DEK: variants seen among roughly 807,000 people sequenced by gnomAD.
The protein encoded by DEK is protein DEK.
DEK carries 28 observed loss-of-function variants against 46.8 expected under a neutral mutation model. The ratio of observed to expected loss-of-function variants is 0.60; its 90% confidence interval spans 0.44 to 0.82. DEK has a LOEUF of 0.82. DEK is among the 40% of genes least tolerant of loss of function. The pLI, the probability that DEK is intolerant of heterozygous loss-of-function variation, is 0.00. For synonymous variants in DEK, 160 were observed against 144.5 expected (o/e 1.11, Z -0.77); for missense variants, 416 against 430.6 (o/e 0.97, Z 0.30).
rs1554162686 is a variant in DEK at position 18,259,430 on chromosome 6, A to AAT, written c.146-1026_146-1025insAT. Among the ~76,000 whole-genome samples the AAT allele has an allele frequency of 6.9e-3, 667 of 96,814 alleles. 66 individuals carry two copies. Among genetic ancestry groups the AAT allele is most frequent in the Non-Finnish European group, 0.01 (441 of 42,146 alleles). The allele number at this position is 96,814 out of a possible 152,430, so 63.5% of individuals were successfully genotyped here. ...AAAAAAAAAAAAAAAAAAAAAAAAA[A>AAT]AAATCTAGAAAACAGGTAGCATATA... On this transcript the variant is annotated intron_variant, in intron 2 of 10. Coordinates refer to ENST00000652689, the MANE Select transcript of DEK (RefSeq NM_003472.4).
At chr6:18,236,644 T>C (rs1348428610) in intron 8 of DEK, 44 bp from the exon 9 acceptor site, 1 of 1,261,372 alleles carries the variant, frequency 7.9e-7, no homozygotes, top group Non-Finnish European at 1.0e-6. Flanking sequence ...CATAGTAAAT[T>C]AACATTTAAC....
chr6:18,226,165 A>C lies in DEK; in HGVS notation c.1116+9T>G. 7.7e-7 allele frequency: 1 copy of C among 1,305,980 alleles called. No homozygotes were observed. Among genetic ancestry groups the C allele is most frequent in the South Asian group, 1.6e-5 (1 of 63,868 alleles). The allele number at this position is 1,305,980 out of a possible 1,614,324, so 80.9% of individuals were successfully genotyped here. The stretch of plus-strand genomic sequence containing the variant: ...TCTAAAGTCAAACTTGAAAGACTGA[A>C]ATATTTACCTCTTTTACAGTTGTTT... On this transcript the variant is annotated intron_variant, in intron 10 of 10. Coordinates refer to ENST00000652689, the MANE Select transcript of DEK (RefSeq NM_003472.4).
rs202004287 is a variant in DEK at position 18,240,305 on chromosome 6, C to A, written c.763-2789G>T. Among the ~76,000 whole-genome samples the A allele has an allele frequency of 9.2e-5, 14 of 152,298 alleles. No individual in the cohort carries two copies. The East Asian group carries it at 2.7e-3, about 29-fold the overall frequency. Reference sequence around the variant, plus strand: ...TTCTACAGTTTTTCTAAACGGACAACCAGGCCTGTCATCTATTAAAATTTC... The same window carrying A: ...TTCTACAGTTTTTCTAAACGGACAAACAGGCCTGTCATCTATTAAAATTTC... On this transcript the variant is annotated intron_variant, in intron 7 of 10. Coordinates refer to ENST00000652689, the MANE Select transcript of DEK (RefSeq NM_003472.4).
intron 7 of DEK, among the ~76,000 whole-genome samples, chr6:18,238,780 C>T (rs1011900913): frequency 6.6e-6 from 1 of 151,878 alleles, no homozygotes; most frequent in African/African-American, 2.4e-5. Flanking sequence ...AATTAATGTT[C>T]CCAAAGGAAA....
intron 4 of DEK, among the ~76,000 whole-genome samples, chr6:18,257,338 T>C (rs1446162622): frequency 6.6e-6 from 1 of 152,230 alleles, no homozygotes; most frequent in East Asian, 1.9e-4. Flanking sequence ...TCAATACATT[T>C]AAAGGTCACT....
rs768625079 is a variant in DEK, at chr6:18,264,425, G to A, written c.-50C>T. ...CCGCGGGCCTGGCACGCGAGGGCACGAGGAGGTTCTGGGAGGCGGCGGCGG... is the reference window on the plus strand; with the variant it reads ...CCGCGGGCCTGGCACGCGAGGGCACAAGGAGGTTCTGGGAGGCGGCGGCGG... On this transcript the variant is annotated 5_prime_UTR_variant, in exon 1 of 11. Transcript: ENST00000652689. 7.3e-6 allele frequency: 2 copies of A among 273,502 alleles called. No individual in the cohort carries two copies. The highest frequency in any genetic ancestry group is 1.5e-5 in the Non-Finnish European group (2 of 133,148). 16.9% of individuals were successfully genotyped at this position (273,502 alleles called of 1,614,324 possible). A position where few individuals can be genotyped will look rare whatever the true frequency, so the allele number is the denominator to read the frequency against.
chr6:18,239,087 G>A (rs1181432756), intron 7 of DEK, among the ~76,000 whole-genome samples: 1 of 152,058 alleles, frequency 6.6e-6, no homozygotes, highest in African/African-American at 2.4e-5. Flanking sequence ...ACCACACCCG[G>A]CTACTTTTGT....
At chr6:18,226,379 G>A in intron 9 of DEK, 137 bp from the exon 10 acceptor site, 1 of 665,110 alleles carries the variant, frequency 1.5e-6, no homozygotes, top group Non-Finnish European at 2.2e-6. Flanking sequence ...TAACCCATAT[G>A]GAATTCTATT....
chr6:18,242,452 C>T (rs1218082247), intron 7 of DEK, among the ~76,000 whole-genome samples: 2 of 152,184 alleles, frequency 1.3e-5, no homozygotes, highest in Non-Finnish European at 2.9e-5. Flanking sequence ...CAACCATAGT[C>T]TGAAAATATT....
rs1410813778 is a variant in DEK at position 18,264,013 on chromosome 6, A to G, written c.-9-17T>C. ...GCTGTGAACCTGCATGCGGGAAGAA[A>G]GCCGGACGTCTCGGTCCTCCTACTC... On this transcript the variant is annotated splice_polypyrimidine_tract_variant and intron_variant, in intron 1 of 10. Transcript: ENST00000652689. 1 of 1,586,676 alleles carries G rather than the reference A, an allele frequency of 6.3e-7. No individual in the cohort carries two copies. Among genetic ancestry groups the G allele is most frequent in the East Asian group, 2.3e-5 (1 of 44,282 alleles).
intron 9 of DEK, among the ~76,000 whole-genome samples, chr6:18,232,949 T>C (rs1161408535): frequency 2.0e-5 from 3 of 152,132 alleles, no homozygotes. Flanking sequence ...CTTCAAACTA[T>C]ACTATAAGGC....
At position 18,264,505 on chromosome 6, in the gene DEK, G is replaced by C. The variant is rs747967127; in HGVS notation, c.-130C>G. 3 of 247,352 alleles carry C rather than the reference G, an allele frequency of 1.2e-5. No homozygotes were observed. Among genetic ancestry groups the C allele is most frequent in the Non-Finnish European group, 2.4e-5 (3 of 123,282 alleles). The allele number at this position is 247,352 out of a possible 1,614,324, so 15.3% of individuals were successfully genotyped here. ...CTGTCTGGCGTGACGCTCGCGCCGC[G>C]CGCTCGGCTCCCCAGAATCAACAAG... is the stretch of plus-strand genomic sequence containing the variant. On this transcript the variant is annotated 5_prime_UTR_variant, in exon 1 of 11. Transcript: ENST00000652689.
At chr6:18,240,639 C>T (rs543972197) in intron 7 of DEK, among the ~76,000 whole-genome samples, 2 of 152,026 alleles carry the variant, frequency 1.3e-5, no homozygotes, top group African/African-American at 4.8e-5. Flanking sequence ...ATATAATTTC[C>T]TCCAATAACT....
In DEK at chr6:18,242,060, G is replaced by C. The variant is rs905987586; in HGVS notation, c.763-4544C>G. ...ATTTTGATCTAAATCAGGAATTCTA[G>C]AGAGAACTCTGAAGATAGAAGTACA... is the stretch of plus-strand genomic sequence containing the variant. On this transcript the variant is annotated intron_variant, in intron 7 of 10. Coordinates refer to ENST00000652689, the MANE Select transcript of DEK (RefSeq NM_003472.4). 4.6e-5 allele frequency among the ~76,000 whole-genome samples: 7 copies of C among 152,292 alleles called. No individual in the cohort carries two copies. In the East Asian group the frequency reaches 1.4e-3, roughly 29 times the overall value.
chr6:18,264,507 G>A lies in DEK; in HGVS notation c.-132C>T. ...GTCTGGCGTGACGCTCGCGCCGCGC[G>A]CTCGGCTCCCCAGAATCAACAAGAT... On this transcript the variant is annotated 5_prime_UTR_variant, in exon 1 of 11. Transcript: ENST00000652689. 4.0e-6 allele frequency: 1 copy of A among 247,182 alleles called. No individual in the cohort carries two copies. The highest frequency in any genetic ancestry group is 8.1e-6 in the Non-Finnish European group (1 of 123,028). The allele number at this position is 247,182 out of a possible 1,614,324, so 15.3% of individuals were successfully genotyped here. A position where few individuals can be genotyped will look rare whatever the true frequency, so the allele number is the denominator to read the frequency against.
At chr6:18,234,321 C>T (rs1394414866) in intron 9 of DEK, among the ~76,000 whole-genome samples, 1 of 151,762 alleles carries the variant, frequency 6.6e-6, no homozygotes, top group Non-Finnish European at 1.5e-5. Flanking sequence ...ACGTTGTGCA[C>T]ATGTATCCTA....
At chr6:18,250,976 CTAT>C in intron 6 of DEK, among the ~76,000 whole-genome samples, 1 of 152,086 alleles carries the variant, frequency 6.6e-6, no homozygotes. Flanking sequence ...GAATATGCTG[CTAT>C]TATTCTGATA....
chr6:18,229,639 G>A (rs569397370), intron 9 of DEK, among the ~76,000 whole-genome samples: 33 of 152,144 alleles, frequency 2.2e-4, no homozygotes, highest in Non-Finnish European at 4.6e-4. Flanking sequence ...TGATTGAAGA[G>A]CAAATGAATG....
In DEK at chr6:18,249,987, C is replaced by A. The variant is rs80090873; in HGVS notation, c.574-148G>T. ...AGCTTTGCAGAGAATAATCTTTAAC[C>A]GTGTCAGGTTAACCTAAAACTGTGT... On this transcript the variant is annotated intron_variant, in intron 6 of 10. Transcript: ENST00000652689. 555 of 1,293,878 alleles carry A rather than the reference C, an allele frequency of 4.3e-4. 4 individuals carry two copies. The East Asian group carries it at 0.013, about 31-fold the overall frequency. The allele number at this position is 1,293,878 out of a possible 1,614,324, so 80.1% of individuals were successfully genotyped here. A position where few individuals can be genotyped will look rare whatever the true frequency, so the allele number is the denominator to read the frequency against.
Sources: gnomAD v4.1 joint callset for allele counts (sites outside exome capture counted in the v4.1 genomes callset) on GRCh38, gnomAD v4.1.1 for gene constraint, MANE v1.5 for transcripts, NCBI Gene and HGNC (gene_info 2026-07-23, HGNC 2026-07-21) for gene names.